The following EDAR variants were observed in gnomAD, a reference collection of about 807,000 sequenced individuals.
The protein encoded by EDAR is tumor necrosis factor receptor superfamily member EDAR.
EDAR carries 38 observed loss-of-function variants against 51.3 expected under a neutral mutation model. The ratio of observed to expected loss-of-function variants is 0.74; its 90% CI spans 0.57 to 0.97. EDAR has a LOEUF of 0.97. Ranked by LOEUF, EDAR falls within the 50% of genes least tolerant of loss-of-function variation. EDAR has a pLI of 0.00. For missense variants in EDAR, 528 were observed against 595.0 expected (o/e 0.89, Z 1.17); for synonymous variants, 227 against 242.1 (o/e 0.94, Z 0.58).
At chr2:108,951,469 C>T (rs260700) in intron 1 of EDAR, among the ~76,000 whole-genome samples, 46,537 of 152,046 alleles carry the variant, frequency 0.31, 11,066 homozygotes, top group East Asian at 0.95. Context: ...TCCAGAAAAA[C>T]TGAAATGAAT....
chr2:108,955,762 C>T (rs992977565), intron 1 of EDAR, among the ~76,000 whole-genome samples: 3 of 152,136 alleles, frequency 2.0e-5, no homozygotes, highest in Non-Finnish European at 4.4e-5. Context: ...CGCGGTGGCT[C>T]ATGCCTGTAA....
At chr2:108,964,367 G>C (rs990144097) in intron 1 of EDAR, among the ~76,000 whole-genome samples, 1 of 152,098 alleles carries the variant, frequency 6.6e-6, no homozygotes, top group Non-Finnish European at 1.5e-5. Context: ...ATGATGCCAC[G>C]GCTCCAAAGC....
intron 9 of EDAR, among the ~76,000 whole-genome samples, chr2:108,908,559 AG>A (rs1696856365): frequency 6.6e-6 from 1 of 152,034 alleles, no homozygotes; most frequent in South Asian, 2.1e-4. Flanking sequence ...TGTGCATTGC[AG>A]GGGGTGGCAC....
chr2:108,918,289 T>C (rs1295051114), intron 5 of EDAR, among the ~76,000 whole-genome samples: 1 of 152,182 alleles, frequency 6.6e-6, no homozygotes, highest in African/African-American at 2.4e-5. Flanking sequence ...GGTCTATGCC[T>C]GTCTACTGAG....
rs147735212 is a variant in EDAR, at chr2:108,899,669, C to T, written c.1025-2440G>A. Reference sequence around the variant, plus strand: ...CATAGAGAAAGGTAAGGTTTTTATACTTCATTCAAACTGGCAAAATAATAA... The same window carrying T: ...CATAGAGAAAGGTAAGGTTTTTATATTTCATTCAAACTGGCAAAATAATAA... On this transcript the variant is annotated intron_variant, in intron 11 of 11. Coordinates refer to ENST00000258443, the MANE Select transcript of EDAR (RefSeq NM_022336.4). Among the ~76,000 whole-genome samples the T allele has an allele frequency of 4.8e-3, 725 of 152,234 alleles. 7 individuals are homozygous for T. Among genetic ancestry groups the T allele is most frequent in the South Asian group, 0.023 (110 of 4,826 alleles).
intron 5 of EDAR, among the ~76,000 whole-genome samples, chr2:108,914,151 T>C (rs1696984951): frequency 6.6e-6 from 1 of 151,508 alleles, no homozygotes; most frequent in Admixed American, 6.6e-5. Flanking sequence ...TCCCAGCTAC[T>C]TAGGAGGCTG....
Position 108,895,426 on chromosome 2 carries a change from C to T in EDAR, c.*1481G>A, listed in dbSNP as rs1696564778. ...TGTGATCACTAGCCTGGCTCCTGAG[C>T]TCTTGGCAGTTACAGGGATAGTACA... On this transcript the variant is annotated 3_prime_UTR_variant, in exon 12 of 12. Transcript: ENST00000258443. The T allele has an allele frequency of 1.3e-5, 2 of 152,618 alleles. No individual in the cohort carries two copies. The highest frequency in any genetic ancestry group is 6.5e-5 in the Admixed American group (1 of 15,282). 9.5% of individuals were successfully genotyped at this position (152,618 alleles called of 1,614,324 possible). A position where few individuals can be genotyped will look rare whatever the true frequency, so the allele number is the denominator to read the frequency against.
chr2:108,958,442 A>T (rs1156541509), intron 1 of EDAR, among the ~76,000 whole-genome samples: 1 of 152,000 alleles, frequency 6.6e-6, no homozygotes, highest in East Asian at 1.9e-4. Flanking sequence ...AACAAAAAAA[A>T]CCCCAGGGCA....
intron 11 of EDAR, among the ~76,000 whole-genome samples, chr2:108,904,107 A>G (rs1466961644): frequency 6.6e-6 from 1 of 152,190 alleles, no homozygotes; most frequent in African/African-American, 2.4e-5. Context: ...AAAAACCCTC[A>G]AAACTCAACA....
In EDAR at chr2:108,978,527, A is replaced by G. The variant is rs1698368684; in HGVS notation, c.-19+10433T>C. 1.3e-5 allele frequency among the ~76,000 whole-genome samples: 2 copies of G among 152,244 alleles called. 1 individual carries two copies. Among genetic ancestry groups the G allele is most frequent in the South Asian group, 4.1e-4 (2 of 4,832 alleles). ...CGAGGGAGCCACGGGCTTAGGGAAC[A>G]TGCAGATCCTCCCAAGGAGGCTGAG... is the stretch of plus-strand genomic sequence containing the variant. On this transcript the variant is annotated intron_variant, in intron 1 of 11. Transcript: ENST00000258443.
chr2:108,907,597 G>A (rs560645746), intron 10 of EDAR, among the ~76,000 whole-genome samples: 170 of 151,854 alleles, frequency 1.1e-3, no homozygotes, highest in African/African-American at 3.1e-3. Flanking sequence ...GTAGTGAGCC[G>A]AGATCGCACC....
At chr2:108,914,663 C>A (rs961978314) in intron 5 of EDAR, among the ~76,000 whole-genome samples, 11 of 152,218 alleles carry the variant, frequency 7.2e-5, no homozygotes, top group African/African-American at 2.7e-4. Context: ...TTCAGTTTTG[C>A]AAATAATAAA....
At chr2:108,969,866 A>T (rs1202814284) in intron 1 of EDAR, among the ~76,000 whole-genome samples, 1 of 152,232 alleles carries the variant, frequency 6.6e-6, no homozygotes, top group African/African-American at 2.4e-5. Context: ...GGATCCAAAA[A>T]GGGGTGAAAG....
chr2:108,949,962 T>C (rs1490998414), intron 1 of EDAR, among the ~76,000 whole-genome samples: 1 of 152,208 alleles, frequency 6.6e-6, no homozygotes, highest in Non-Finnish European at 1.5e-5. Flanking sequence ...CAAATGTATA[T>C]GGGAGTAGGG....
intron 1 of EDAR, among the ~76,000 whole-genome samples, chr2:108,966,957 T>TG (rs1292460113): frequency 1.3e-5 from 2 of 152,206 alleles, no homozygotes; most frequent in East Asian, 3.9e-4. Flanking sequence ...TTGTTTGAGA[T>TG]GGAGTCTCAC....
intron 1 of EDAR, among the ~76,000 whole-genome samples, chr2:108,953,955 A>C (rs964495313): frequency 6.6e-6 from 1 of 152,224 alleles, no homozygotes; most frequent in Non-Finnish European, 1.5e-5. Context: ...ACTAAAGATT[A>C]CCAAGATCCT....
intron 8 of EDAR, 80 bp from the exon 9 acceptor site, chr2:108,910,612 CTGTTG>C: frequency 7.0e-7 from 1 of 1,431,002 alleles, no homozygotes; most frequent in Non-Finnish European, 9.8e-7. Context: ...CCTGCTCTTC[CTGTTG>C]GGCAGAGCTG....
At chr2:108,975,880 G>C (rs1698314953) in intron 1 of EDAR, among the ~76,000 whole-genome samples, 1 of 152,188 alleles carries the variant, frequency 6.6e-6, no homozygotes, top group South Asian at 2.1e-4. Flanking sequence ...GGTGGAAAGG[G>C]CAGGGCAAAG....
chr2:108,978,540 C>G (rs942377638), intron 1 of EDAR, among the ~76,000 whole-genome samples: 1 of 152,194 alleles, frequency 6.6e-6, no homozygotes, highest in Non-Finnish European at 1.5e-5. Flanking sequence ...CAGATCCTCC[C>G]AAGGAGGCTG....
Sources: gnomAD v4.1 joint callset for allele counts (sites outside exome capture counted in the v4.1 genomes callset) on GRCh38, gnomAD v4.1.1 for gene constraint, MANE v1.5 for transcripts, NCBI Gene and HGNC (gene_info 2026-07-23, HGNC 2026-07-21) for gene names.